The following PPP2R1B variants were observed in gnomAD, a reference collection of about 807,000 sequenced individuals.
PPP2R1B encodes protein phosphatase 2 scaffold subunit Abeta, also known as serine/threonine-protein phosphatase 2A 65 kDa regulatory subunit A beta isoform.
A neutral mutation model predicts 72.7 loss-of-function variants in PPP2R1B; 58 were observed. The ratio of observed to expected loss-of-function variants is 0.80; its 90% CI spans 0.65 to 0.99. PPP2R1B has a LOEUF of 0.99. Among genes scored for constraint, PPP2R1B ranks in the 50% least tolerant of loss-of-function variants. PPP2R1B has a pLI of 0.00. For missense variants in PPP2R1B, 695 were observed against 733.6 expected, an observed-to-expected ratio of 0.95 and a Z score of 0.61; for synonymous variants, 256 against 264.6, an observed-to-expected ratio of 0.97 and a Z score of 0.32.
downstream of PPP2R1B, chr11:111,725,347 T>C (rs1444352175): frequency 6.6e-6 from 1 of 152,634 alleles, no homozygotes; most frequent in Non-Finnish European, 1.5e-5. Context: ...TACAGCAATA[T>C]TCAAAGAAAG....
rs536682646 is a variant in PPP2R1B at position 111,741,537 on chromosome 11, A to C, written c.*59T>G. 3 of 1,603,686 alleles carry C rather than the reference A, an allele frequency of 1.9e-6. No homozygotes were observed. The highest frequency in any genetic ancestry group is 2.5e-6 in the Non-Finnish European group (3 of 1,177,110). ...ATTCTTTCTCCACCCAGTTAAGAAC[A>C]CATTGACTAGAAATTTGTGACAAGA... On this transcript the variant is annotated 3_prime_UTR_variant, in exon 15 of 15. Coordinates refer to ENST00000527614, the MANE Select transcript of PPP2R1B (RefSeq NM_002716.5).
At chr11:111,731,405 A>G (rs557162453) in intron 15 of PPP2R1B, among the ~76,000 whole-genome samples, 1 of 152,336 alleles carries the variant, frequency 6.6e-6, no homozygotes, top group South Asian at 2.1e-4. Context: ...GCATTCCCTC[A>G]CATGGGCGGG....
chr11:111,763,072 T>G (rs555492077), intron 3 of PPP2R1B, among the ~76,000 whole-genome samples: 2 of 152,114 alleles, frequency 1.3e-5, no homozygotes, highest in Non-Finnish European at 2.9e-5. Flanking sequence ...GATGATGTAG[T>G]AAGGGATGAC....
intron 11 of PPP2R1B, 134 bp downstream of exon 11, chr11:111,747,819 AC>A (rs2136063130): frequency 1.4e-6 from 1 of 706,540 alleles, no homozygotes; most frequent in East Asian, 2.9e-5. Flanking sequence ...AGAAGATTAA[AC>A]TTTAATTAGA....
chr11:111,741,346 A>C lies in PPP2R1B; in HGVS notation c.*250T>G. On this transcript the variant is annotated 3_prime_UTR_variant, in exon 15 of 15. Coordinates refer to ENST00000527614, the MANE Select transcript of PPP2R1B (RefSeq NM_002716.5). Reference sequence around the variant, plus strand: ...AGGTGGTGATGGATAAAGCATTAGGAGACAATCAAGTGTCAGGAATTGGTC... The same window carrying C: ...AGGTGGTGATGGATAAAGCATTAGGCGACAATCAAGTGTCAGGAATTGGTC... The C allele has an allele frequency of 7.5e-7, 1 of 1,330,190 alleles. No individual in the cohort carries two copies. The allele number at this position is 1,330,190 out of a possible 1,614,324, so 82.4% of individuals were successfully genotyped here. A position where few individuals can be genotyped will look rare whatever the true frequency, so the allele number is the denominator to read the frequency against.
At chr11:111,762,623 A>G (rs978033194) in intron 3 of PPP2R1B, among the ~76,000 whole-genome samples, 1 of 148,892 alleles carries the variant, frequency 6.7e-6, no homozygotes, top group Non-Finnish European at 1.5e-5. Flanking sequence ...TGGCACAATC[A>G]TGGCTCAGTG....
At chr11:111,717,317 C>CAAAAAAAA in the PPP2R1B span, among the ~76,000 whole-genome samples, 4 of 49,466 alleles carry the variant, frequency 8.1e-5, 1 homozygote, top group African/African-American at 1.5e-4. Flanking sequence ...GACTCCGTCT[C>CAAAAAAAA]AAAAAAAAAA....
the PPP2R1B span, among the ~76,000 whole-genome samples, chr11:111,706,859 C>G: frequency 1.3e-5 from 2 of 149,486 alleles, no homozygotes; most frequent in African/African-American, 2.5e-5. Flanking sequence ...ACTTGGGAGG[C>G]TGAGGCAGGA....
At chr11:111,698,773 T>A in the PPP2R1B span, among the ~76,000 whole-genome samples, 1 of 152,232 alleles carries the variant, frequency 6.6e-6, no homozygotes, top group African/African-American at 2.4e-5. Flanking sequence ...ATCCTCAATT[T>A]ACAGGCACTA....
intron 14 of PPP2R1B, 62 bp from the exon 15 acceptor site, chr11:111,741,674 A>C: frequency 6.5e-6 from 10 of 1,539,988 alleles, no homozygotes; most frequent in Middle Eastern, 1.7e-4. Flanking sequence ...ATCTATGTGA[A>C]TATTAAGCAC....
In PPP2R1B at chr11:111,761,061, T is replaced by G; in HGVS notation, c.307-10A>C. 6.2e-7 allele frequency: 1 copy of G among 1,608,184 alleles called. No individual in the cohort carries two copies. The highest frequency in any genetic ancestry group is 8.5e-7 in the Non-Finnish European group (1 of 1,175,274). ...GATTTTCCAAAGGAGGCTGAATGGA[T>G]TAAAAAGGAAAACCAGAGAAGAAAA... On this transcript the variant is annotated splice_polypyrimidine_tract_variant and intron_variant, in intron 3 of 14. Coordinates refer to ENST00000527614, the MANE Select transcript of PPP2R1B (RefSeq NM_002716.5).
At chr11:111,715,882 A>G in the PPP2R1B span, among the ~76,000 whole-genome samples, 1 of 138,802 alleles carries the variant, frequency 7.2e-6, no homozygotes, top group East Asian at 2.1e-4. Flanking sequence ...GCTCATTGCA[A>G]CCTCCGCCCC....
chr11:111,764,863 T>A lies in PPP2R1B; in HGVS notation c.248A>T (p.Glu83Val), dbSNP rs782250586. ...DEDEVLLALA[E>V]QLGNFTGLVG... ...TAGGCCAGTGAAATTTCCCAGCTGC[T>A]CAGCAAGAGCTAATAGTACCTCATC... is the stretch of plus-strand genomic sequence containing the variant. The change falls in exon 3 of 15, where the codon GAG becomes GTG. Residue 83 changes from glutamate to valine, a missense_variant. Glu to Val is a moderately radical substitution (Grantham distance 121, BLOSUM62 -2). Transcript: ENST00000527614. The A allele has an allele frequency of 8.1e-6, 13 of 1,614,122 alleles. No homozygotes were observed. The highest frequency in any genetic ancestry group is 4.2e-6 in the Non-Finnish European group (5 of 1,180,016).
At chr11:111,752,941 C>T (rs1332760518) in intron 9 of PPP2R1B, among the ~76,000 whole-genome samples, 3 of 151,208 alleles carry the variant, frequency 2.0e-5, no homozygotes, top group Admixed American at 1.3e-4. Context: ...CCAGCCTGGG[C>T]GACAGAGCAA....
chr11:111,721,922 C>T (rs1339590495), downstream of PPP2R1B: 4 of 1,607,866 alleles, frequency 2.5e-6, no homozygotes, highest in Non-Finnish European at 3.4e-6. Flanking sequence ...AGACCCAGTA[C>T]CTGCAGCACA....
At chr11:111,746,683 C>G (rs1944715719) in intron 11 of PPP2R1B, among the ~76,000 whole-genome samples, 1 of 152,126 alleles carries the variant, frequency 6.6e-6, no homozygotes, top group African/African-American at 2.4e-5. Flanking sequence ...TGCTAGGATG[C>G]ACCATTCCCA....
chr11:111,733,055 G>A (rs1216118037), downstream of PPP2R1B, among the ~76,000 whole-genome samples: 1 of 152,134 alleles, frequency 6.6e-6, no homozygotes, highest in Non-Finnish European at 1.5e-5. Flanking sequence ...TCAGACACAG[G>A]GGCCACTGGC....
the PPP2R1B span, among the ~76,000 whole-genome samples, chr11:111,717,698 C>T: frequency 3.9e-5 from 6 of 152,138 alleles, no homozygotes; most frequent in Non-Finnish European, 7.3e-5. Flanking sequence ...AACCCAAATG[C>T]CCATCAGTGA....
At chr11:111,734,478 G>A (rs1944283830), downstream of PPP2R1B, among the ~76,000 whole-genome samples, 1 of 152,248 alleles carries the variant, frequency 6.6e-6, no homozygotes, top group African/African-American at 2.4e-5. Flanking sequence ...GAAGGCCTGG[G>A]GGAGTCTTTT....
Sources: allele counts gnomAD v4.1 joint callset (sites outside exome capture counted in the v4.1 genomes callset), GRCh38; gene constraint gnomAD v4.1.1; transcripts MANE v1.5; gene names NCBI Gene and HGNC (gene_info 2026-07-23, HGNC 2026-07-21).